Variants in CPA6 observed in about 807,000 individuals in gnomAD.
CPA6 encodes carboxypeptidase A6.
CPA6 carries 58 observed loss-of-function variants against 63.3 expected under a neutral mutation model. That is an observed-to-expected ratio of 0.92 (90% CI 0.74 to 1.14). The LOEUF (loss-of-function observed/expected upper bound fraction) is 1.14. Ranked by LOEUF, CPA6 falls within the 50% of genes most tolerant of loss-of-function variation. The probability of loss-of-function intolerance (pLI) is 0.00; values close to 1 mark genes in which losing one functional copy is unlikely to be tolerated. For synonymous variants in CPA6, 185 were observed against 179.0 expected (o/e 1.03, Z -0.27); for missense variants, 565 against 526.6 (o/e 1.07, Z -0.71).
At chr8:67,426,167 C>T (rs1372680403) in intron 10 of CPA6, among the ~76,000 whole-genome samples, 2 of 152,134 alleles carry the variant, frequency 1.3e-5, no homozygotes, top group African/African-American at 4.8e-5. Context: ...AGGGGTTTTG[C>T]CATGTTGGCC....
At chr8:67,713,325 G>T (rs1169144790) in intron 1 of CPA6, among the ~76,000 whole-genome samples, 1 of 151,710 alleles carries the variant, frequency 6.6e-6, no homozygotes, top group Admixed American at 6.6e-5. Context: ...ACAAACAAGT[G>T]AAACTGTGGA....
intron 8 of CPA6, among the ~76,000 whole-genome samples, chr8:67,475,204 A>T (rs113245558): frequency 5.6e-4 from 86 of 152,350 alleles, no homozygotes; most frequent in Middle Eastern, 6.8e-3. Context: ...AGCAAAGAAG[A>T]AAGTAAGTTG....
intron 1 of CPA6, among the ~76,000 whole-genome samples, chr8:67,655,697 G>T (rs896938546): frequency 1.3e-5 from 2 of 152,028 alleles, no homozygotes; most frequent in Admixed American, 1.3e-4. Flanking sequence ...GGAGGGGTGA[G>T]CTTAGCTGGA....
chr8:67,531,251 A>G (rs912578171), intron 2 of CPA6, among the ~76,000 whole-genome samples: 1 of 152,182 alleles, frequency 6.6e-6, no homozygotes, highest in Non-Finnish European at 1.5e-5. Flanking sequence ...GAAAAGAAAA[A>G]AGCATCAAAA....
chr8:67,584,899 G>C (rs989287138), intron 2 of CPA6, among the ~76,000 whole-genome samples: 5 of 152,200 alleles, frequency 3.3e-5, no homozygotes, highest in Admixed American at 2.0e-4. Context: ...GTACAGGACT[G>C]TTTGGAGGGC....
rs555317986 is a variant in CPA6 at position 67,653,319 on chromosome 8, A to G, written c.117-29068T>C. Among the ~76,000 whole-genome samples, 4 of 152,290 alleles carry G rather than the reference A, an allele frequency of 2.6e-5. No individual in the cohort carries two copies. The East Asian group carries it at 7.7e-4, about 29-fold the overall frequency. On this transcript the variant is annotated intron_variant, in intron 1 of 10. Coordinates refer to ENST00000297770, the MANE Select transcript of CPA6 (RefSeq NM_020361.5). ...TTGATGGGGAGGGCAATGAATCTAT[A>G]AATTACCTTGGGCAGTATGGCCATT... is the stretch of plus-strand genomic sequence containing the variant.
At chr8:67,583,493 T>C (rs755328694) in intron 2 of CPA6, among the ~76,000 whole-genome samples, 3 of 152,076 alleles carry the variant, frequency 2.0e-5, no homozygotes, top group South Asian at 2.1e-4. Context: ...GGGGATTGTA[T>C]GGTGAATTGT....
intron 2 of CPA6, among the ~76,000 whole-genome samples, chr8:67,544,859 T>C (rs1812780177): frequency 1.3e-5 from 2 of 152,170 alleles, no homozygotes; most frequent in South Asian, 4.1e-4. Context: ...TGCCTTTCAC[T>C]TAATGATATA....
chr8:67,476,556 T>C (rs1226290335), intron 8 of CPA6, among the ~76,000 whole-genome samples: 6 of 132,676 alleles, frequency 4.5e-5, no homozygotes, highest in African/African-American at 2.2e-4. Context: ...TCTCTCTCTT[T>C]TTTTTTTTTT....
At chr8:67,624,316 C>T (rs566141989) in intron 1 of CPA6, 65 bp from the exon 2 acceptor site, 4 of 851,700 alleles carry the variant, frequency 4.7e-6, no homozygotes, top group Admixed American at 2.5e-5. Flanking sequence ...TCATCTCTTT[C>T]TTACCTCTTA....
chr8:67,702,732 C>T (rs1368793980), intron 1 of CPA6, among the ~76,000 whole-genome samples: 1 of 152,158 alleles, frequency 6.6e-6, no homozygotes, highest in African/African-American at 2.4e-5. Flanking sequence ...CCACACTGCG[C>T]ATACGGCCCC....
intron 1 of CPA6, among the ~76,000 whole-genome samples, chr8:67,721,539 T>A (rs975713053): frequency 6.6e-6 from 1 of 152,190 alleles, no homozygotes; most frequent in South Asian, 2.1e-4. Context: ...AAACAAAGTA[T>A]ATGCATTGTA....
At chr8:67,514,451 A>G (rs1812103308) in intron 3 of CPA6, among the ~76,000 whole-genome samples, 1 of 152,194 alleles carries the variant, frequency 6.6e-6, no homozygotes, top group Non-Finnish European at 1.5e-5. Context: ...GTAAATGACA[A>G]TCTTTTGAAA....
At chr8:67,713,956 C>A (rs376233688) in intron 1 of CPA6, among the ~76,000 whole-genome samples, 2 of 152,076 alleles carry the variant, frequency 1.3e-5, no homozygotes, top group South Asian at 2.1e-4. Context: ...CTGTTAAAAG[C>A]CAGATATATA....
At chr8:67,473,152 G>A (rs1043114990) in intron 8 of CPA6, among the ~76,000 whole-genome samples, 5 of 152,302 alleles carry the variant, frequency 3.3e-5, no homozygotes, top group Non-Finnish European at 5.9e-5. Flanking sequence ...AGGAAGAGAA[G>A]AAAAGGAAAG....
chr8:67,487,243 C>T (rs547983352), intron 6 of CPA6, among the ~76,000 whole-genome samples: 1 of 152,132 alleles, frequency 6.6e-6, no homozygotes, highest in African/African-American at 2.4e-5. Flanking sequence ...TGTGATGTTC[C>T]CCACCCTGTG....
At chr8:67,544,916 T>C (rs191617496) in intron 2 of CPA6, among the ~76,000 whole-genome samples, 43 of 152,290 alleles carry the variant, frequency 2.8e-4, no homozygotes, top group African/African-American at 9.9e-4. Context: ...TATTTGCAGA[T>C]ATTTTAGATC....
At chr8:67,490,087 C>T (rs945146165) in intron 6 of CPA6, among the ~76,000 whole-genome samples, 1 of 152,118 alleles carries the variant, frequency 6.6e-6, no homozygotes, top group South Asian at 2.1e-4. Context: ...ATCATCACGA[C>T]GTGATGACTG....
intron 8 of CPA6, among the ~76,000 whole-genome samples, chr8:67,449,151 C>T (rs925791179): frequency 1.2e-4 from 19 of 152,108 alleles, no homozygotes; most frequent in African/African-American, 3.9e-4. Flanking sequence ...ACTCAAGAGG[C>T]TGAGGCATGA....
Sources: allele counts gnomAD v4.1 joint callset (sites outside exome capture counted in the v4.1 genomes callset), GRCh38; gene constraint gnomAD v4.1.1; transcripts MANE v1.5; gene names NCBI Gene and HGNC (gene_info 2026-07-23, HGNC 2026-07-21).